Variants in CSMD1 observed in about 807,000 individuals in gnomAD.
CSMD1 encodes the protein CUB and sushi domain-containing protein 1.
In CSMD1, 213 loss-of-function variants were observed where a neutral mutation model predicts 417.5. The observed-to-expected ratio is 0.51, with a 90% CI of 0.46 to 0.57. The LOEUF (loss-of-function observed/expected upper bound fraction) is 0.57, where lower values mean the gene tolerates loss of function less well. CSMD1 is among the 20% of genes least tolerant of loss of function. The pLI, the probability that CSMD1 is intolerant of heterozygous loss-of-function variation, is 0.00. For synonymous variants in CSMD1, 2,862 were observed against 1,736.8 expected (o/e 1.65, Z -16.11); for missense variants, 6,923 against 4,529.7 (o/e 1.53, Z -15.17).
chr8:3,026,258 G>C (rs544622655), intron 51 of CSMD1, among the ~76,000 whole-genome samples: 1 of 152,016 alleles, frequency 6.6e-6, no homozygotes, highest in East Asian at 2.0e-4. Context: ...ATAACATCAG[G>C]TCCTCAGCCA....
chr8:3,637,653 C>A (rs187523711), intron 7 of CSMD1, among the ~76,000 whole-genome samples: 64 of 152,204 alleles, frequency 4.2e-4, no homozygotes, highest in African/African-American at 1.4e-3. Flanking sequence ...ATGATTCAAT[C>A]CCCCCAACAA....
intron 3 of CSMD1, among the ~76,000 whole-genome samples, chr8:4,067,385 G>C (rs1450277328): frequency 2.6e-5 from 4 of 152,120 alleles, no homozygotes; most frequent in East Asian, 1.9e-4. Context: ...ACTGGATTTT[G>C]GTAGAAAAAC....
intron 2 of CSMD1, among the ~76,000 whole-genome samples, chr8:4,432,166 T>A (rs182452088): frequency 6.6e-6 from 1 of 152,322 alleles, no homozygotes; most frequent in South Asian, 2.1e-4. Flanking sequence ...AAAAACATGA[T>A]TGGCAATTAT....
At chr8:3,612,538 A>G (rs1801945243) in intron 8 of CSMD1, among the ~76,000 whole-genome samples, 1 of 152,156 alleles carries the variant, frequency 6.6e-6, no homozygotes, top group South Asian at 2.1e-4. Flanking sequence ...ATTTACCAAG[A>G]TAGAGCATAT....
In CSMD1 at chr8:3,605,105, C is replaced by T. The variant is rs1440987505; in HGVS notation, c.1097+11605G>A. On this transcript the variant is annotated intron_variant, in intron 8 of 69. Coordinates refer to ENST00000635120, the MANE Select transcript of CSMD1 (RefSeq NM_033225.6). ...AGCCTCCCAGGTTCAAGTGATTCTC[C>T]TGCCTCAGCCTCCCGAGTAGCTGGG... Among the ~76,000 whole-genome samples, 4 of 152,188 alleles carry T rather than the reference C, an allele frequency of 2.6e-5. No homozygotes were observed. In the East Asian group the frequency reaches 7.7e-4, roughly 29 times the overall value.
At chr8:3,539,089 G>C (rs1798329297) in intron 10 of CSMD1, among the ~76,000 whole-genome samples, 2 of 152,124 alleles carry the variant, frequency 1.3e-5, no homozygotes, top group South Asian at 4.1e-4. Context: ...TTACAGTCTT[G>C]CCCCAGTCCC....
At chr8:3,252,684 C>G (rs1243431519) in intron 26 of CSMD1, among the ~76,000 whole-genome samples, 4 of 152,182 alleles carry the variant, frequency 2.6e-5, no homozygotes, top group Non-Finnish European at 4.4e-5. Flanking sequence ...GTGAATCCAT[C>G]TGGTCCTGGA....
At chr8:3,917,662 A>G (rs1808920869) in intron 5 of CSMD1, among the ~76,000 whole-genome samples, 1 of 152,126 alleles carries the variant, frequency 6.6e-6, no homozygotes, top group Non-Finnish European at 1.5e-5. Flanking sequence ...CTAACATGCA[A>G]AAAGTTGTAC....
At chr8:3,415,739 G>A (rs1028505150) in intron 12 of CSMD1, among the ~76,000 whole-genome samples, 6 of 152,190 alleles carry the variant, frequency 3.9e-5, no homozygotes, top group African/African-American at 1.2e-4. Context: ...AGAATCTGAT[G>A]AAGCTCAGTC....
chr8:4,531,856 C>A lies in CSMD1; in HGVS notation c.302+105486G>T, dbSNP rs984507030. 2.0e-5 allele frequency among the ~76,000 whole-genome samples: 3 copies of A among 151,944 alleles called. No homozygotes were observed. In the South Asian group the frequency reaches 6.2e-4, roughly 31 times the overall value. On this transcript the variant is annotated intron_variant, in intron 2 of 69. Transcript: ENST00000635120. ...ATCACTTTGAAAAGAAATCCTGCAC[C>A]GCATTCAGTCACTCCGGAAGAGAAA...
At chr8:4,827,203 G>C (rs1194158855) in intron 1 of CSMD1, among the ~76,000 whole-genome samples, 1 of 152,078 alleles carries the variant, frequency 6.6e-6, no homozygotes, top group South Asian at 2.1e-4. Context: ...GAAAACCTCA[G>C]AATGTATCTG....
intron 2 of CSMD1, among the ~76,000 whole-genome samples, chr8:4,498,613 T>C (rs936079492): frequency 5.3e-5 from 8 of 152,180 alleles, no homozygotes; most frequent in African/African-American, 1.9e-4. Flanking sequence ...CAAAATAGTG[T>C]TGTCAAGGTA....
rs550972916 is a variant in CSMD1 at position 3,229,336 on chromosome 8, A to T, written c.4345+704T>A. ...GTAGTTTCTTTTTAAGACTTAGATGATATACTCTAAGTACGAATTTTATTA... is the reference window on the plus strand; with the variant it reads ...GTAGTTTCTTTTTAAGACTTAGATGTTATACTCTAAGTACGAATTTTATTA... On this transcript the variant is annotated intron_variant, in intron 27 of 69. Coordinates refer to ENST00000635120, the MANE Select transcript of CSMD1 (RefSeq NM_033225.6). Among the ~76,000 whole-genome samples, 3 of 152,322 alleles carry T rather than the reference A, an allele frequency of 2.0e-5. No homozygotes were observed. In the East Asian group the frequency reaches 5.8e-4, roughly 29 times the overall value.
chr8:4,732,176 C>T (rs293888), intron 1 of CSMD1, among the ~76,000 whole-genome samples: 53,503 of 151,882 alleles, frequency 0.35, 10,362 homozygotes, highest in East Asian at 0.55. Flanking sequence ...CAAAAGCGTT[C>T]GGTAGCAGAC....
At chr8:4,466,108 G>C (rs927512450) in intron 2 of CSMD1, among the ~76,000 whole-genome samples, 1 of 152,252 alleles carries the variant, frequency 6.6e-6, no homozygotes, top group African/African-American at 2.4e-5. Flanking sequence ...ACCAGCTCTC[G>C]AGTAAATGGG....
intron 1 of CSMD1, among the ~76,000 whole-genome samples, chr8:4,694,096 A>C (rs1185106892): frequency 6.6e-6 from 1 of 152,176 alleles, no homozygotes; most frequent in Non-Finnish European, 1.5e-5. Context: ...ACAGCTTCTA[A>C]GATAAAAATT....
At chr8:3,741,819 T>C (rs1303683463) in intron 6 of CSMD1, among the ~76,000 whole-genome samples, 1 of 152,192 alleles carries the variant, frequency 6.6e-6, no homozygotes, top group Non-Finnish European at 1.5e-5. Context: ...CTACCCTTTC[T>C]TTCTCAAATG....
chr8:3,739,913 T>C (rs1038997980), intron 6 of CSMD1, among the ~76,000 whole-genome samples: 1 of 152,124 alleles, frequency 6.6e-6, no homozygotes, highest in Non-Finnish European at 1.5e-5. Flanking sequence ...CTTCAAGCAA[T>C]GAGGATATTT....
intron 5 of CSMD1, among the ~76,000 whole-genome samples, chr8:3,924,294 T>C (rs977428660): frequency 6.6e-6 from 1 of 152,218 alleles, no homozygotes; most frequent in African/African-American, 2.4e-5. Context: ...CTCTTGATGC[T>C]TTCAATATTC....
Sources: allele counts gnomAD v4.1 joint callset (sites outside exome capture counted in the v4.1 genomes callset), GRCh38; gene constraint gnomAD v4.1.1; transcripts MANE v1.5; gene names NCBI Gene and HGNC (gene_info 2026-07-23, HGNC 2026-07-21).